CDK12: variants seen among roughly 807,000 people sequenced by gnomAD.
CDK12 encodes the protein cyclin dependent kinase 12, also known as cyclin-dependent kinase 12.
CDK12 carries 17 observed loss-of-function variants against 133.8 expected under a neutral mutation model. The ratio of observed to expected loss-of-function variants is 0.13; its 90% CI spans 0.09 to 0.19. The LOEUF (loss-of-function observed/expected upper bound fraction) is 0.19. Among genes scored for constraint, CDK12 ranks in the 10% least tolerant of loss-of-function variants. The pLI is 1.00. For synonymous variants in CDK12, 694 were observed against 683.6 expected, an observed-to-expected ratio of 1.02 and a Z score of -0.24; for missense variants, 1,508 against 1,818.7, an observed-to-expected ratio of 0.83 and a Z score of 3.11.
At chr17:39,544,679 G>C (rs1223124178), upstream of CDK12, among the ~76,000 whole-genome samples, 2 of 146,716 alleles carry the variant, frequency 1.4e-5, no homozygotes, top group Admixed American at 6.9e-5. Context: ...GCCCAGGCCG[G>C]AGTGCAGTGG....
chr17:39,530,448 T>G, intron 13 of CDK12, 156 bp from the exon 14 acceptor site: 2 of 1,078,718 alleles, frequency 1.9e-6, no homozygotes, highest in Non-Finnish European at 2.5e-6. Context: ...ATCACTTGAT[T>G]TATTTATAAT....
chr17:39,496,715 A>C (rs2052142216), intron 5 of CDK12, among the ~76,000 whole-genome samples: 1 of 151,944 alleles, frequency 6.6e-6, no homozygotes, highest in African/African-American at 2.4e-5. Flanking sequence ...AAAAAATCCC[A>C]AAAAACATAA....
intron 7 of CDK12, among the ~76,000 whole-genome samples, chr17:39,510,302 G>A (rs2053416194): frequency 6.6e-6 from 1 of 151,928 alleles, no homozygotes; most frequent in South Asian, 2.1e-4. Flanking sequence ...TGTATTTTTA[G>A]TAGAGGCGGG....
intron 8 of CDK12, among the ~76,000 whole-genome samples, chr17:39,513,308 C>T (rs2053604346): frequency 6.6e-6 from 1 of 152,156 alleles, no homozygotes; most frequent in African/African-American, 2.4e-5. Context: ...TCACTTCTTT[C>T]CATTCTTTTC....
At position 39,464,379 on chromosome 17, in the gene CDK12, C is replaced by T. The variant is rs184145019; in HGVS notation, c.1046+1262C>T. Among the ~76,000 whole-genome samples the T allele has an allele frequency of 6.7e-3, 996 of 148,420 alleles. 4 individuals carry two copies. The highest frequency in any genetic ancestry group is 0.011 in the Non-Finnish European group (751 of 67,240). ...GGGATTACAGGTTCATGCCACCATG[C>T]CTGGCTAATTTTTTTTTTCTTTTTC... is the stretch of plus-strand genomic sequence containing the variant. On this transcript the variant is annotated intron_variant, in intron 1 of 13. Transcript: ENST00000447079.
intron 3 of CDK12, among the ~76,000 whole-genome samples, chr17:39,491,459 A>G (rs1039495961): frequency 3.3e-5 from 5 of 151,694 alleles, no homozygotes; most frequent in Non-Finnish European, 7.4e-5. Flanking sequence ...CTGGTCTCGA[A>G]CTCTTGACCT....
chr17:39,507,872 T>C (rs767444680), intron 6 of CDK12, among the ~76,000 whole-genome samples: 1 of 152,172 alleles, frequency 6.6e-6, no homozygotes, highest in Non-Finnish European at 1.5e-5. Flanking sequence ...AATGTAATGG[T>C]GTTTGGGGCA....
Position 39,481,631 on chromosome 17 carries a change from G to T in CDK12, c.1932-8926G>T, listed in dbSNP as rs1387716580. ...AGCACTTATGTGCTTGCTCGCTCGCGCGCTCTCTCTCTCTCTCTCTCTCTC... is the reference window on the plus strand; with the variant it reads ...AGCACTTATGTGCTTGCTCGCTCGCTCGCTCTCTCTCTCTCTCTCTCTCTC... On this transcript the variant is annotated intron_variant, in intron 2 of 13. Coordinates refer to ENST00000447079, the MANE Select transcript of CDK12 (RefSeq NM_016507.4). 2.5e-3 allele frequency among the ~76,000 whole-genome samples: 86 copies of T among 34,302 alleles called. 1 individual carries two copies. The highest frequency in any genetic ancestry group is 5.8e-3 in the African/African-American group (77 of 13,320). 22.5% of individuals were successfully genotyped at this position (34,302 alleles called of 152,430 possible).
Position 39,517,568 on chromosome 17 carries a change from G to T in CDK12, c.2963+12G>T. ...GAAGAATTCTCTTTGTGAGTTTGGG[G>T]AAAATGAACATCTCGTTTCTGTGTC... On this transcript the variant is annotated intron_variant, in intron 10 of 13. Transcript: ENST00000447079. 1 of 1,469,422 alleles carries T rather than the reference G, an allele frequency of 6.8e-7. No homozygotes were observed. The highest frequency in any genetic ancestry group is 9.5e-7 in the Non-Finnish European group (1 of 1,048,242). The allele number at this position is 1,469,422 out of a possible 1,614,324, so 91.0% of individuals were successfully genotyped here.
At chr17:39,517,396 T>C (rs750724905) in intron 9 of CDK12, 44 bp from the exon 10 acceptor site, 3 of 1,081,140 alleles carry the variant, frequency 2.8e-6, no homozygotes, top group Non-Finnish European at 4.3e-6. Flanking sequence ...ATTCATGATG[T>C]TGACTCACTC....
intron 7 of CDK12, among the ~76,000 whole-genome samples, chr17:39,510,368 C>CTCAG: frequency 6.6e-6 from 1 of 152,142 alleles, no homozygotes; most frequent in South Asian, 2.1e-4. Flanking sequence ...ATTCATCTGC[C>CTCAG]TCAGCTTCTC....
At chr17:39,526,778 A>G (rs771017189) in intron 13 of CDK12, among the ~76,000 whole-genome samples, 2 of 152,246 alleles carry the variant, frequency 1.3e-5, no homozygotes, top group Non-Finnish European at 2.9e-5. Context: ...CCCTAATAAA[A>G]TATCATTGTT....
At chr17:39,493,168 T>G (rs1323022772) in intron 4 of CDK12, among the ~76,000 whole-genome samples, 2 of 148,102 alleles carry the variant, frequency 1.4e-5, no homozygotes, top group South Asian at 2.1e-4. Context: ...TAATTTTTGT[T>G]TTTTTTTTTT....
chr17:39,558,236 G>A, intron 3 of CDK12, among the ~76,000 whole-genome samples: 1 of 152,188 alleles, frequency 6.6e-6, no homozygotes, highest in Admixed American at 6.5e-5. Context: ...GACTCCCCAA[G>A]AAATCAGTTA....
In CDK12 at chr17:39,462,142, C is replaced by T; in HGVS notation, c.71C>T (p.Ser24Leu). ...SGGASGTLQP[S>L]SGGGSSNSRE... ...GGAGCTTCTGGAACTTTGCAGCCGT[C>T]ATCGGGAGGCGGCAGCTCTAACAGC... The change falls in exon 1 of 14, where the codon TCA (serine) becomes TTA (leucine). Residue 24 changes from serine (S) to leucine (L), a missense_variant. This residue lies in a region of CDK12 where 460 missense variants were observed against 490.8 expected (regional missense o/e 0.94). Coordinates refer to ENST00000447079, the MANE Select transcript of CDK12 (RefSeq NM_016507.4). 6.2e-7 allele frequency: 1 copy of T among 1,614,204 alleles called. No individual in the cohort carries two copies. Among genetic ancestry groups the T allele is most frequent in the South Asian group, 1.1e-5 (1 of 91,076 alleles).
downstream of CDK12, among the ~76,000 whole-genome samples, chr17:39,538,463 A>G (rs1048787012): frequency 2.6e-5 from 4 of 152,218 alleles, no homozygotes; most frequent in Admixed American, 6.5e-5. Context: ...GCCGAGGAAC[A>G]TGTATGGTGT....
intron 1 of CDK12, among the ~76,000 whole-genome samples, chr17:39,470,066 G>A (rs1260604577): frequency 6.6e-6 from 1 of 151,930 alleles, no homozygotes; most frequent in African/African-American, 2.4e-5. Flanking sequence ...TTTTTCAGAT[G>A]AATAAGTAGT....
chr17:39,563,775 G>A (rs2056475702), intron 3 of CDK12, among the ~76,000 whole-genome samples: 1 of 151,508 alleles, frequency 6.6e-6, no homozygotes, highest in African/African-American at 2.4e-5. Flanking sequence ...GGAAGGGAGA[G>A]GGAGAGTGAG....
chr17:39,524,746 A>G lies in CDK12; in HGVS notation c.3168A>G (p.Val1056=), dbSNP rs1275027902. Residue 1056 remains valine, a synonymous_variant, in exon 12 of 14, where the codon GTA becomes GTG. Coordinates refer to ENST00000447079, the MANE Select transcript of CDK12 (RefSeq NM_016507.4). ...GACGTCAGCGACAAAGTGGTGTTGT[A>G]GTCGAAGAGCCACCTCCATCCAAAA... ...KRRRQRQSGV[V]VEEPPPSKTS... 4 of 1,614,048 alleles carry G rather than the reference A, an allele frequency of 2.5e-6. No individual in the cohort carries two copies. The highest frequency in any genetic ancestry group is 1.3e-5 in the African/African-American group (1 of 74,916).
Sources: allele counts gnomAD v4.1 joint callset (sites outside exome capture counted in the v4.1 genomes callset), GRCh38; gene constraint gnomAD v4.1.1; regional missense constraint gnomAD v4.1.1; transcripts MANE v1.5; gene names NCBI Gene and HGNC (gene_info 2026-07-23, HGNC 2026-07-21).